PLCL1: variants seen among roughly 807,000 people sequenced by gnomAD.
PLCL1 encodes phospholipase C like 1 (inactive).
A neutral mutation model predicts 84.4 loss-of-function variants in PLCL1; 41 were observed. The observed-to-expected ratio is 0.49, with a 90% confidence interval of 0.38 to 0.63. PLCL1 has a LOEUF of 0.63. PLCL1 is among the 30% of genes least tolerant of loss of function. The pLI, the probability that PLCL1 is intolerant of heterozygous loss-of-function variation, is 0.00. For synonymous variants in PLCL1, 490 were observed against 488.3 expected, an observed-to-expected ratio of 1.00 and a Z score of -0.05; for missense variants, 1,206 against 1,367.8, an observed-to-expected ratio of 0.88 and a Z score of 1.87.
At chr2:198,006,643 T>G (rs1413583720) in intron 1 of PLCL1, among the ~76,000 whole-genome samples, 1 of 152,186 alleles carries the variant, frequency 6.6e-6, no homozygotes, top group Non-Finnish European at 1.5e-5. Flanking sequence ...GTGTACATAA[T>G]GTGATGAAGG....
intron 1 of PLCL1, among the ~76,000 whole-genome samples, chr2:197,958,957 T>C (rs548459312): frequency 1.3e-5 from 2 of 152,050 alleles, no homozygotes; most frequent in Non-Finnish European, 2.9e-5. Context: ...AACTTTGGCA[T>C]GCATAAGGAT....
At chr2:197,874,823 A>G (rs1439093608) in intron 1 of PLCL1, among the ~76,000 whole-genome samples, 1 of 152,166 alleles carries the variant, frequency 6.6e-6, no homozygotes, top group Non-Finnish European at 1.5e-5. Context: ...ATTTAACTTT[A>G]TAATAGTCAA....
intron 1 of PLCL1, among the ~76,000 whole-genome samples, chr2:197,882,498 T>C (rs1340618588): frequency 2.6e-5 from 4 of 152,190 alleles, no homozygotes; most frequent in African/African-American, 9.7e-5. Flanking sequence ...ATAGTCTCTT[T>C]TCCTTCTTTC....
At chr2:198,056,945 G>T (rs1692085436) in intron 1 of PLCL1, among the ~76,000 whole-genome samples, 1 of 152,100 alleles carries the variant, frequency 6.6e-6, no homozygotes, top group Non-Finnish European at 1.5e-5. Context: ...TGGGGTTTTT[G>T]AATAAAAATA....
At chr2:198,042,419 C>T (rs9712275) in intron 1 of PLCL1, among the ~76,000 whole-genome samples, 69,975 of 151,968 alleles carry the variant, frequency 0.46, 16,710 homozygotes, top group Middle Eastern at 0.65. Flanking sequence ...CCAGCTGAAC[C>T]GGAAGGTGAT....
intron 1 of PLCL1, among the ~76,000 whole-genome samples, chr2:197,831,796 A>T (rs1574902236): frequency 6.6e-6 from 1 of 152,216 alleles, no homozygotes; most frequent in East Asian, 1.9e-4. Flanking sequence ...AATGCTAAAG[A>T]ACGGAAATAA....
In PLCL1 at chr2:198,051,953, A is replaced by G. The variant is rs1253412858; in HGVS notation, c.241-31805A>G. Among the ~76,000 whole-genome samples the G allele has an allele frequency of 2.0e-5, 3 of 151,880 alleles. No homozygotes were observed. The East Asian group carries it at 5.8e-4, about 29-fold the overall frequency. ...AGACCGAGTTTCACTCTTGTTGTCCAGGCTGGAGTGCAATGGCGTGATCTT... is the reference window on the plus strand; with the variant it reads ...AGACCGAGTTTCACTCTTGTTGTCCGGGCTGGAGTGCAATGGCGTGATCTT... On this transcript the variant is annotated intron_variant, in intron 1 of 5. Transcript: ENST00000428675.
intron 5 of PLCL1, among the ~76,000 whole-genome samples, chr2:198,105,142 A>G (rs950334041): frequency 6.6e-6 from 1 of 151,984 alleles, no homozygotes; most frequent in African/African-American, 2.4e-5. Flanking sequence ...GAGATTTTAT[A>G]GTTTTAGGTT....
chr2:198,084,573 A>G lies in PLCL1; in HGVS notation c.1056A>G (p.Ile352Met), dbSNP rs1344804125. 3 of 1,613,690 alleles carry G rather than the reference A, an allele frequency of 1.9e-6. No homozygotes were observed. Among genetic ancestry groups the G allele is most frequent in the Non-Finnish European group, 8.5e-7 (1 of 1,179,710 alleles). ...GAGTCACCCATATCACCGAGGATAT[A>G]TGCTTAGACATCATAAGGAGATACG... Reference protein sequence around the residue: ...EQGVTHITEDICLDIIRRYEL... With the variant: ...EQGVTHITEDMCLDIIRRYEL... The change falls in exon 2 of 6, where the codon ATA (isoleucine) becomes ATG (methionine). Residue 352 changes from isoleucine to methionine, a missense_variant. By Grantham distance (10) the Ile-to-Met change is conservative. Transcript: ENST00000428675.
At chr2:197,869,040 G>A (rs929823818) in intron 1 of PLCL1, among the ~76,000 whole-genome samples, 3 of 152,076 alleles carry the variant, frequency 2.0e-5, no homozygotes, top group Non-Finnish European at 2.9e-5. Flanking sequence ...CCTGTTATAC[G>A]CTGAGCAATG....
intron 1 of PLCL1, among the ~76,000 whole-genome samples, chr2:197,972,229 C>T (rs769925619): frequency 3.9e-5 from 6 of 152,166 alleles, no homozygotes; most frequent in Admixed American, 6.5e-5. Flanking sequence ...TGCCAAGTTT[C>T]GTCAAAGAAA....
At chr2:197,993,964 T>G (rs1690402953) in intron 1 of PLCL1, among the ~76,000 whole-genome samples, 1 of 152,188 alleles carries the variant, frequency 6.6e-6, no homozygotes, top group Non-Finnish European at 1.5e-5. Flanking sequence ...CAGTTACTTC[T>G]CAAACCACAG....
At position 198,028,400 on chromosome 2, in the gene PLCL1, C is replaced by T. The variant is rs1240788690; in HGVS notation, c.241-55358C>T. On this transcript the variant is annotated intron_variant, in intron 1 of 5. Transcript: ENST00000428675. The stretch of plus-strand genomic sequence containing the variant: ...CCTTCCCCCTTGCTACGGATGTGGG[C>T]TTATGGATATATGTAAATACTGTAC... Among the ~76,000 whole-genome samples the T allele has an allele frequency of 2.0e-5, 3 of 152,102 alleles. No individual in the cohort carries two copies. In the East Asian group the frequency reaches 5.8e-4, roughly 29 times the overall value.
chr2:198,126,902 C>T (rs2105932661), intron 5 of PLCL1, among the ~76,000 whole-genome samples: 1 of 151,906 alleles, frequency 6.6e-6, no homozygotes, highest in Non-Finnish European at 1.5e-5. Context: ...GACCCTGTCT[C>T]AAACAACAAC....
At chr2:198,071,674 A>G (rs1161210710) in intron 1 of PLCL1, among the ~76,000 whole-genome samples, 1 of 151,880 alleles carries the variant, frequency 6.6e-6, no homozygotes, top group Admixed American at 6.6e-5. Flanking sequence ...ATTAAGAAAC[A>G]CATAGCAAAT....
chr2:197,973,607 G>C (rs535620765), intron 1 of PLCL1, among the ~76,000 whole-genome samples: 6 of 152,332 alleles, frequency 3.9e-5, no homozygotes, highest in South Asian at 2.1e-4. Flanking sequence ...GCCATGAAAA[G>C]GTTTGATGTC....
chr2:198,127,240 G>A (rs941642158), intron 5 of PLCL1, among the ~76,000 whole-genome samples: 10 of 151,996 alleles, frequency 6.6e-5, no homozygotes, highest in African/African-American at 2.4e-4. Flanking sequence ...TTTTCCACAT[G>A]CTAAATCATG....
At chr2:198,031,965 T>C (rs1292974959) in intron 1 of PLCL1, among the ~76,000 whole-genome samples, 4 of 152,184 alleles carry the variant, frequency 2.6e-5, no homozygotes, top group Admixed American at 6.5e-5. Flanking sequence ...TATAGATTTT[T>C]GTTATTCTTC....
At chr2:197,816,574 T>A (rs1690693386) in intron 1 of PLCL1, among the ~76,000 whole-genome samples, 1 of 152,146 alleles carries the variant, frequency 6.6e-6, no homozygotes, top group Admixed American at 6.5e-5. Context: ...TGGTCCAACT[T>A]TGGTATAAAT....
Sources: allele counts gnomAD v4.1 joint callset (sites outside exome capture counted in the v4.1 genomes callset), GRCh38; gene constraint gnomAD v4.1.1; transcripts MANE v1.5; gene names NCBI Gene and HGNC (gene_info 2026-07-23, HGNC 2026-07-21).